The following RANBP2 variants were observed in gnomAD, a reference collection of about 807,000 sequenced individuals.
The protein encoded by RANBP2 is E3 SUMO-protein ligase RanBP2.
In RANBP2, 57 loss-of-function variants were observed where a neutral mutation model predicts 303.6. The ratio of observed to expected loss-of-function variants is 0.19; its 90% CI spans 0.15 to 0.23. The LOEUF is 0.23. Ranked by LOEUF, RANBP2 falls within the 10% of genes least tolerant of loss-of-function variation. RANBP2 has a pLI of 1.00. For synonymous variants in RANBP2, 1,167 were observed against 1,301.5 expected, an observed-to-expected ratio of 0.90 and a Z score of 2.23; for missense variants, 3,138 against 3,780.8, an observed-to-expected ratio of 0.83 and a Z score of 4.46.
the RANBP2 span, among the ~76,000 whole-genome samples, chr2:108,931,474 G>C: frequency 6.6e-6 from 1 of 152,316 alleles, no homozygotes; most frequent in Middle Eastern, 3.4e-3. Context: ...TGCTCTCCCA[G>C]CCCCAGCTTA....
chr2:109,433,499 G>A, the RANBP2 span, among the ~76,000 whole-genome samples: 3 of 152,214 alleles, frequency 2.0e-5, no homozygotes, highest in Non-Finnish European at 4.4e-5. Context: ...GAAGCCCCTC[G>A]TGGGCACGGC....
At chr2:109,302,619 G>A in the RANBP2 span, among the ~76,000 whole-genome samples, 6 of 152,186 alleles carry the variant, frequency 3.9e-5, no homozygotes, top group Non-Finnish European at 8.8e-5. Context: ...GCTGCGTAGG[G>A]GATTAGCCAG....
At chr2:109,238,449 T>TTG in the RANBP2 span, among the ~76,000 whole-genome samples, 861 of 142,680 alleles carry the variant, frequency 6.0e-3, 8 homozygotes, top group South Asian at 0.014. Context: ...TTATGTATAT[T>TTG]TGTGTGTGTG....
At chr2:109,091,010 C>T in the RANBP2 span, among the ~76,000 whole-genome samples, 1 of 151,984 alleles carries the variant, frequency 6.6e-6, no homozygotes. Flanking sequence ...CATCATGGAC[C>T]TTTTGCATTA....
chr2:109,524,115 T>G, the RANBP2 span, among the ~76,000 whole-genome samples: 7,113 of 152,284 alleles, frequency 0.047, 563 homozygotes, highest in African/African-American at 0.16. Flanking sequence ...GCCTCCGTTC[T>G]GCACATCATG....
At chr2:109,028,732 A>G in the RANBP2 span, among the ~76,000 whole-genome samples, 1 of 151,990 alleles carries the variant, frequency 6.6e-6, no homozygotes, top group Non-Finnish European at 1.5e-5. Context: ...TCCCCCACAC[A>G]TATCTTGCCC....
At chr2:109,399,287 T>G in the RANBP2 span, among the ~76,000 whole-genome samples, 1 of 152,234 alleles carries the variant, frequency 6.6e-6, no homozygotes, top group Non-Finnish European at 1.5e-5. Context: ...GAGTCTTGGC[T>G]TAGTGCTAGC....
chr2:109,691,941 C>T, the RANBP2 span, among the ~76,000 whole-genome samples: 1 of 152,110 alleles, frequency 6.6e-6, no homozygotes, highest in East Asian at 1.9e-4. Flanking sequence ...CGCCACCGTG[C>T]CCAGCTAATT....
At chr2:108,975,904 A>G in the RANBP2 span, among the ~76,000 whole-genome samples, 1 of 152,160 alleles carries the variant, frequency 6.6e-6, no homozygotes, top group African/African-American at 2.4e-5. Flanking sequence ...AGGGTGACTG[A>G]ATCATCTAGA....
the RANBP2 span, among the ~76,000 whole-genome samples, chr2:108,832,536 G>A: frequency 3.3e-5 from 5 of 151,884 alleles, no homozygotes; most frequent in African/African-American, 4.8e-5. Flanking sequence ...TAGTAGAGAC[G>A]GGGTTTCTCC....
At chr2:108,871,370 T>TAAAAAAA in the RANBP2 span, among the ~76,000 whole-genome samples, 365 of 75,938 alleles carry the variant, frequency 4.8e-3, no homozygotes, top group Non-Finnish European at 6.3e-3. Context: ...CCAACTCTAT[T>TAAAAAAA]AAAAAAAAAA....
At chr2:109,193,045 G>T in the RANBP2 span, among the ~76,000 whole-genome samples, 1 of 152,220 alleles carries the variant, frequency 6.6e-6, no homozygotes, top group African/African-American at 2.4e-5. Flanking sequence ...AGATGTCAAT[G>T]TGCCAAGAAA....
the RANBP2 span, among the ~76,000 whole-genome samples, chr2:109,472,027 G>A: frequency 6.6e-6 from 1 of 152,200 alleles, no homozygotes; most frequent in Non-Finnish European, 1.5e-5. Flanking sequence ...GTGTGGCCCT[G>A]TAGCACAGTG....
downstream of RANBP2, chr2:108,786,679 G>C (rs889113542): frequency 2.4e-5 from 17 of 720,210 alleles, no homozygotes; most frequent in African/African-American, 5.5e-5. Flanking sequence ...TGCAGTCTCC[G>C]GGTCGCCCCG....
chr2:109,449,530 G>A, the RANBP2 span: 2 of 1,592,016 alleles, frequency 1.3e-6, no homozygotes, highest in Non-Finnish European at 1.7e-6. Flanking sequence ...CTCGAGGCCA[G>A]CTGCTTACTG....
chr2:109,254,408 T>C, the RANBP2 span, among the ~76,000 whole-genome samples: 1 of 152,088 alleles, frequency 6.6e-6, no homozygotes. Context: ...ACATTCCTCA[T>C]TGGACTGTTG....
chr2:109,105,385 CT>C, the RANBP2 span, among the ~76,000 whole-genome samples: 3 of 152,184 alleles, frequency 2.0e-5, no homozygotes, highest in Non-Finnish European at 2.9e-5. Context: ...TGTGGACAAC[CT>C]ACCTCAAGGG....
chr2:109,221,256 TG>T, the RANBP2 span, among the ~76,000 whole-genome samples: 1 of 152,168 alleles, frequency 6.6e-6, no homozygotes. Context: ...CCATTCTAAC[TG>T]GGTGGAGGTG....
At chr2:108,896,723 T>A in the RANBP2 span, 1 of 626,174 alleles carries the variant, frequency 1.6e-6, no homozygotes, top group Non-Finnish European at 2.8e-6. Context: ...CCGGCTCTAG[T>A]CCTTTATCTT....
Sources: gnomAD v4.1 joint callset for allele counts (sites outside exome capture counted in the v4.1 genomes callset) on GRCh38, gnomAD v4.1.1 for gene constraint, MANE v1.5 for transcripts, NCBI Gene and HGNC (gene_info 2026-07-23, HGNC 2026-07-21) for gene names.